Variants in CPLX2 observed in about 807,000 individuals in gnomAD.
The protein encoded by CPLX2 is complexin-2.
Under a neutral mutation model 16.3 loss-of-function variants are expected in CPLX2, and 5 were observed. The observed-to-expected ratio is 0.31, with a 90% CI of 0.16 to 0.64. The LOEUF (loss-of-function observed/expected upper bound fraction) is 0.64. Ranked by LOEUF, CPLX2 falls within the 30% of genes least tolerant of loss-of-function variation. The pLI, the probability that CPLX2 is intolerant of heterozygous loss-of-function variation, is 0.79. For synonymous variants in CPLX2, 89 were observed against 73.2 expected (o/e 1.22, Z -1.10); for missense variants, 144 against 181.4 (o/e 0.79, Z 1.18).
At chr5:175,826,124 C>A (rs114384523) in intron 2 of CPLX2, among the ~76,000 whole-genome samples, 1 of 151,704 alleles carries the variant, frequency 6.6e-6, no homozygotes, top group African/African-American at 2.4e-5. Flanking sequence ...TAGAGGGCTG[C>A]GATAAAGGTG....
chr5:175,826,500 G>A (rs1453725174), intron 2 of CPLX2, among the ~76,000 whole-genome samples: 2 of 152,192 alleles, frequency 1.3e-5, no homozygotes, highest in Non-Finnish European at 2.9e-5. Flanking sequence ...GAATCAAACT[G>A]GAAGCAGATG....
At chr5:175,863,679 T>G (rs1759411239) in intron 2 of CPLX2, among the ~76,000 whole-genome samples, 1 of 152,190 alleles carries the variant, frequency 6.6e-6, no homozygotes. Context: ...TTTTGTTTTA[T>G]TTTGTTTTTT....
At chr5:175,824,397 T>A (rs966665051) in intron 2 of CPLX2, among the ~76,000 whole-genome samples, 14 of 152,324 alleles carry the variant, frequency 9.2e-5, no homozygotes, top group African/African-American at 3.4e-4. Flanking sequence ...GTGCCCTCCC[T>A]TCTTCTAACC....
chr5:175,814,396 C>T (rs1758367915), intron 2 of CPLX2, among the ~76,000 whole-genome samples: 1 of 152,214 alleles, frequency 6.6e-6, no homozygotes, highest in Admixed American at 6.5e-5. Context: ...CTGAAACAGA[C>T]CCTAGGCCTC....
At chr5:175,801,173 A>AAAAC (rs1758090311) in intron 1 of CPLX2, among the ~76,000 whole-genome samples, 1 of 151,544 alleles carries the variant, frequency 6.6e-6, no homozygotes, top group African/African-American at 2.4e-5. Flanking sequence ...AAAAAAAAAA[A>AAAAC]AAACTGGGTT....
chr5:175,853,867 T>C (rs1220202062), intron 2 of CPLX2, among the ~76,000 whole-genome samples: 1 of 152,102 alleles, frequency 6.6e-6, no homozygotes, highest in Non-Finnish European at 1.5e-5. Context: ...ATGCCCACTT[T>C]CTAGGTCTGT....
At chr5:175,860,509 A>G (rs1317692388) in intron 2 of CPLX2, among the ~76,000 whole-genome samples, 1 of 21,616 alleles carries the variant, frequency 4.6e-5, no homozygotes, top group Non-Finnish European at 8.4e-5. Flanking sequence ...AAAGAAAGAA[A>G]GAAAGAAAAA....
At chr5:175,825,937 CAAAAAA>C (rs35250246) in intron 2 of CPLX2, among the ~76,000 whole-genome samples, 18 of 44,420 alleles carry the variant, frequency 4.1e-4, no homozygotes, top group African/African-American at 1.7e-3. Context: ...TGAATAAGTG[CAAAAAA>C]AAAAAAAAAA....
intron 2 of CPLX2, among the ~76,000 whole-genome samples, chr5:175,862,042 C>G (rs1201267938): frequency 6.6e-6 from 1 of 152,332 alleles, no homozygotes; most frequent in African/African-American, 2.4e-5. Flanking sequence ...CTTATTCTGT[C>G]ATAGCCCAGC....
At chr5:175,814,933 G>A (rs1758379303) in intron 2 of CPLX2, among the ~76,000 whole-genome samples, 1 of 152,206 alleles carries the variant, frequency 6.6e-6, no homozygotes, top group Non-Finnish European at 1.5e-5. Context: ...CCAAAGCATG[G>A]CGGCTTGACA....
rs561173033 is a variant in CPLX2 at position 175,849,169 on chromosome 5, T to C, written c.-88-29483T>C. Among the ~76,000 whole-genome samples the C allele has an allele frequency of 1.3e-5, 2 of 152,284 alleles. No homozygotes were observed. Among genetic ancestry groups the C allele is most frequent in the East Asian group, 1.9e-4 (1 of 5,178 alleles). On this transcript the variant is annotated intron_variant, in intron 2 of 4. Coordinates refer to the CPLX2 transcript ENST00000359546. This position sits in a 1 kb window ranked among gnomAD's most constrained non-coding sequence, Gnocchi z 4.4. The stretch of plus-strand genomic sequence containing the variant: ...AGTGCTGCCGTGTGTGCAGGACCGA[T>C]GTCCACACTTCACAGGTGGAAACAG...
intron 2 of CPLX2, among the ~76,000 whole-genome samples, chr5:175,824,396 C>T (rs1471233072): frequency 1.3e-5 from 2 of 152,228 alleles, no homozygotes; most frequent in African/African-American, 4.8e-5. Context: ...AGTGCCCTCC[C>T]TTCTTCTAAC....
intron 2 of CPLX2, among the ~76,000 whole-genome samples, chr5:175,847,987 C>T (rs908406843): frequency 6.6e-6 from 1 of 152,260 alleles, no homozygotes; most frequent in Non-Finnish European, 1.5e-5. Context: ...CACTGCTATT[C>T]ATTCAACAAA....
intron 2 of CPLX2, among the ~76,000 whole-genome samples, chr5:175,843,832 G>A (rs1758993025): frequency 6.6e-6 from 1 of 152,242 alleles, no homozygotes; most frequent in Non-Finnish European, 1.5e-5. Flanking sequence ...GTTGTTACCT[G>A]CTATAGCCCC....
intron 2 of CPLX2, among the ~76,000 whole-genome samples, chr5:175,811,736 C>T (rs1284266196): frequency 1.3e-5 from 2 of 151,968 alleles, no homozygotes; most frequent in Admixed American, 6.6e-5. Context: ...CAGAGTGTCC[C>T]GAAGATAGAG....
intron 2 of CPLX2, among the ~76,000 whole-genome samples, chr5:175,838,664 T>A (rs1272653301): frequency 6.6e-6 from 1 of 152,058 alleles, no homozygotes; most frequent in Non-Finnish European, 1.5e-5. Flanking sequence ...TGTGACCACA[T>A]GGTTTTCCAG....
chr5:175,843,272 G>A (rs952101243), intron 2 of CPLX2, among the ~76,000 whole-genome samples: 4 of 152,184 alleles, frequency 2.6e-5, no homozygotes, highest in African/African-American at 9.7e-5. Flanking sequence ...GCCTTTGATG[G>A]GGCCTCAAAG....
intron 2 of CPLX2, among the ~76,000 whole-genome samples, chr5:175,832,233 G>C (rs1328889307): frequency 6.6e-6 from 1 of 152,236 alleles, no homozygotes; most frequent in African/African-American, 2.4e-5. Context: ...CATTTCCTAT[G>C]TGCCTGGCCC....
chr5:175,803,518 G>A (rs1758138933), intron 1 of CPLX2, among the ~76,000 whole-genome samples: 1 of 152,188 alleles, frequency 6.6e-6, no homozygotes, highest in Non-Finnish European at 1.5e-5. Flanking sequence ...CAAGCGTGGA[G>A]GCAGAAGAAA....
Sources: gnomAD v4.1 joint callset for allele counts (sites outside exome capture counted in the v4.1 genomes callset) on GRCh38, gnomAD v4.1.1 for gene constraint, Gnocchi (gnomAD v3.1) non-coding constraint, MANE v1.5 for transcripts, NCBI Gene and HGNC (gene_info 2026-07-23, HGNC 2026-07-21) for gene names.